Variants in SLC2A5 observed in about 807,000 individuals in gnomAD.
SLC2A5 encodes the protein solute carrier family 2 member 5, also known as solute carrier family 2, facilitated glucose transporter member 5.
Under a neutral mutation model 50.3 loss-of-function variants are expected in SLC2A5, and 56 were observed. The ratio of observed to expected loss-of-function variants is 1.11; its 90% CI spans 0.90 to 1.39. The LOEUF is 1.39. Ranked by LOEUF, SLC2A5 falls within the 40% of genes most tolerant of loss-of-function variation. The pLI is 0.00. For missense variants in SLC2A5, 566 were observed against 650.1 expected, an observed-to-expected ratio of 0.87 and a Z score of 1.41; for synonymous variants, 269 against 281.9, an observed-to-expected ratio of 0.95 and a Z score of 0.46.
chr1:9,089,208 A>G (rs1642437298), upstream of SLC2A5, among the ~76,000 whole-genome samples: 1 of 152,204 alleles, frequency 6.6e-6, no homozygotes, highest in African/African-American at 2.4e-5. Context: ...TAAAGAGACC[A>G]CACAATTACC....
chr1:9,059,714 A>T (rs1641859209), intron 1 of SLC2A5, among the ~76,000 whole-genome samples: 1 of 151,342 alleles, frequency 6.6e-6, no homozygotes, highest in Admixed American at 6.6e-5. Flanking sequence ...ATATATTTTT[A>T]TAGAGACAGG....
chr1:9,045,870 C>CAA (rs59265235), intron 4 of SLC2A5, among the ~76,000 whole-genome samples: 2,044 of 92,942 alleles, frequency 0.022, 33 homozygotes, highest in Non-Finnish European at 0.034. Flanking sequence ...AACTCCATCT[C>CAA]AAAAAAAAAA....
chr1:9,084,385 A>G (rs576956715), intron 2 of SLC2A5, among the ~76,000 whole-genome samples: 4 of 152,170 alleles, frequency 2.6e-5, no homozygotes, highest in Admixed American at 2.6e-4. Flanking sequence ...TTGAGTGTGT[A>G]CCTTTTGCTT....
chr1:9,088,381 A>C (rs1456787323), exon 1 of SLC2A5: 1 of 152,142 alleles, frequency 6.6e-6, no homozygotes, highest in African/African-American at 2.4e-5. Flanking sequence ...CCTGTTTGAA[A>C]ACTACTCCAG....
At chr1:9,057,311 A>AT in intron 3 of SLC2A5, 137 bp downstream of exon 3, 1 of 471,230 alleles carries the variant, frequency 2.1e-6, no homozygotes, top group Non-Finnish European at 3.5e-6. Context: ...AAAAAAAAAA[A>AT]AAAAGAAAGA....
At chr1:9,085,592 T>C (rs1160399930) in intron 1 of SLC2A5, among the ~76,000 whole-genome samples, 1 of 152,220 alleles carries the variant, frequency 6.6e-6, no homozygotes, top group South Asian at 2.1e-4. Flanking sequence ...CTGTTGGTGC[T>C]GGAGAGGTTT....
At position 9,065,834 on chromosome 1, in the gene SLC2A5, C is replaced by T. The variant is rs114091426; in HGVS notation, c.33+3670G>A. Among the ~76,000 whole-genome samples, 686 of 151,992 alleles carry T rather than the reference C, an allele frequency of 4.5e-3. 5 individuals are homozygous for T. Among genetic ancestry groups the T allele is most frequent in the African/African-American group, 0.016 (655 of 41,436 alleles). On this transcript the variant is annotated intron_variant, in intron 1 of 11. Transcript: ENST00000377424. The stretch of plus-strand genomic sequence containing the variant: ...GCAACATAGTGAGACCTCGTCTCTA[C>T]GAAAAAATTTAAAAACAAGGCAGGA...
upstream of SLC2A5, among the ~76,000 whole-genome samples, chr1:9,092,328 C>T (rs1423695763): frequency 1.3e-5 from 2 of 152,190 alleles, no homozygotes; most frequent in Non-Finnish European, 1.5e-5. Context: ...CAAATTAGTC[C>T]TACCTGACCC....
chr1:9,085,087 A>G (rs1403664731), exon 2 of SLC2A5: 2 of 152,416 alleles, frequency 1.3e-5, no homozygotes, highest in Non-Finnish European at 2.9e-5. Flanking sequence ...ACAGCACTCT[A>G]TGCCTGCTCT....
Position 9,040,253 on chromosome 1 carries a change from G to A in SLC2A5, c.572-64C>T. The A allele has an allele frequency of 6.6e-7, 1 of 1,518,372 alleles. No individual in the cohort carries two copies. The highest frequency in any genetic ancestry group is 8.8e-7 in the Non-Finnish European group (1 of 1,138,318). 94.1% of individuals were successfully genotyped at this position (1,518,372 alleles called of 1,614,324 possible). A position where few individuals can be genotyped will look rare whatever the true frequency, so the allele number is the denominator to read the frequency against. On this transcript the variant is annotated intron_variant, in intron 5 of 11. Coordinates refer to ENST00000377424, the MANE Select transcript of SLC2A5 (RefSeq NM_003039.3). This position sits in a 1 kb window ranked among gnomAD's most constrained non-coding sequence, Gnocchi z 4.3. The stretch of plus-strand genomic sequence containing the variant: ...CACCACCCCGAAGGCGCCCTCTGCA[G>A]AGCCGGCCCCAGCCCCGTCATCCTG...
At chr1:9,038,389 A>C (rs556584756) in intron 10 of SLC2A5, 42 bp downstream of exon 10, 2 of 1,387,096 alleles carry the variant, frequency 1.4e-6, no homozygotes, top group Non-Finnish European at 2.0e-6. Flanking sequence ...TTCTGGGACC[A>C]GGGGGGGTTG....
At chr1:9,055,178 G>A (rs1419445812) in intron 3 of SLC2A5, among the ~76,000 whole-genome samples, 5 of 152,114 alleles carry the variant, frequency 3.3e-5, no homozygotes, top group Non-Finnish European at 7.3e-5. Context: ...GTGATCTTGG[G>A]TAAGTTACAG....
rs1489289221 is a variant in SLC2A5, at chr1:9,042,054, T to C, written c.419-117A>G. 6.6e-6 allele frequency: 9 copies of C among 1,372,814 alleles called. No individual in the cohort carries two copies. The Admixed American group carries it at 8.9e-5, about 14-fold the overall frequency. The allele number at this position is 1,372,814 out of a possible 1,614,324, so 85.0% of individuals were successfully genotyped here. The stretch of plus-strand genomic sequence containing the variant: ...ATTTGGGCCAGAACTCTCTCAAAAC[T>C]GCAAAGGAGAAAGCAAACACCTCTT... On this transcript the variant is annotated intron_variant, in intron 4 of 11. Coordinates refer to ENST00000377424, the MANE Select transcript of SLC2A5 (RefSeq NM_003039.3).
At chr1:9,059,169 G>T (rs1641839150) in intron 1 of SLC2A5, among the ~76,000 whole-genome samples, 1 of 64,758 alleles carries the variant, frequency 1.5e-5, no homozygotes, top group African/African-American at 6.2e-5. Flanking sequence ...TTGACACAGA[G>T]TCTTGCTCTG....
At chr1:9,077,778 A>AGG (rs1642308655) in intron 2 of SLC2A5, among the ~76,000 whole-genome samples, 7 of 139,560 alleles carry the variant, frequency 5.0e-5, no homozygotes, top group Admixed American at 7.4e-5. Flanking sequence ...GGAGGGAGGG[A>AGG]AAGAAGGGGA....
chr1:9,037,886 GC>G lies in SLC2A5; in HGVS notation c.1302+10del. ...ATCTGGTGGTGAGCGTGGGCCCCGG[GC>G]CCCACTCACCTGGATGAACGGGAAG... On this transcript the variant is annotated intron_variant, in intron 11 of 11. Transcript: ENST00000377424. 1 of 1,613,826 alleles carries G rather than the reference GC, an allele frequency of 6.2e-7. No homozygotes were observed. The highest frequency in any genetic ancestry group is 1.3e-5 in the African/African-American group (1 of 75,052).
At chr1:9,053,753 A>C (rs1206011374) in intron 3 of SLC2A5, among the ~76,000 whole-genome samples, 1 of 149,810 alleles carries the variant, frequency 6.7e-6, no homozygotes, top group African/African-American at 2.5e-5. Flanking sequence ...AGGTGCCTGT[A>C]ATCTCAGCTA....
At chr1:9,037,815 G>C in intron 11 of SLC2A5, 26 bp from the exon 12 acceptor site, 1 of 1,613,916 alleles carries the variant, frequency 6.2e-7, no homozygotes, top group Non-Finnish European at 8.5e-7. Flanking sequence ...CAGGTGACAC[G>C]TGTGGGACGT....
rs200768991 is a variant in SLC2A5 at position 9,038,923 on chromosome 1, C to T, written c.1003G>A (p.Val335Met). ...AGCCTCCGACCCAGGAGCTCCACCACGAACACCTACAGGAGGGTGGCAGGG... is the reference window on the plus strand; with the variant it reads ...AGCCTCCGACCCAGGAGCTCCACCATGAACACCTACAGGAGGGTGGCAGGG... ...NVVMTFCAVF[V>M]VELLGRRLLL... is the part of the protein sequence containing the mutation. Residue 335 changes from valine to methionine, a missense_variant, in exon 9 of 12, where the codon GTG (valine) becomes ATG (methionine). Physicochemically the swap from Val to Met is conservative, Grantham distance 21. Coordinates refer to ENST00000377424, the MANE Select transcript of SLC2A5 (RefSeq NM_003039.3). 8.7e-6 allele frequency: 14 copies of T among 1,612,380 alleles called. No homozygotes were observed. The highest frequency in any genetic ancestry group is 1.7e-5 in the Admixed American group (1 of 59,934).
Sources: allele counts gnomAD v4.1 joint callset (sites outside exome capture counted in the v4.1 genomes callset), GRCh38; gene constraint gnomAD v4.1.1; non-coding constraint Gnocchi (gnomAD v3.1); transcripts MANE v1.5; gene names NCBI Gene and HGNC (gene_info 2026-07-23, HGNC 2026-07-21).